The following RYR2 variants were observed in gnomAD, a reference collection of about 807,000 sequenced individuals.
RYR2 encodes the protein cardiac muscle ryanodine receptor-calcium release channel.
RYR2 carries 227 observed loss-of-function variants against 601.1 expected under a neutral mutation model. The observed-to-expected ratio is 0.38, with a 90% CI of 0.34 to 0.42. The LOEUF is 0.42. Ranked by LOEUF, RYR2 falls within the 10% of genes least tolerant of loss-of-function variation. The probability of loss-of-function intolerance (pLI) is 1.00; values close to 1 mark genes in which losing one functional copy is unlikely to be tolerated. For synonymous variants in RYR2, 2,223 were observed against 2,175.1 expected, an observed-to-expected ratio of 1.02 and a Z score of -0.61; for missense variants, 4,646 against 6,156.5, an observed-to-expected ratio of 0.75 and a Z score of 8.21.
intron 1 of RYR2, among the ~76,000 whole-genome samples, chr1:237,167,816 T>C (rs1676890251): frequency 6.8e-6 from 1 of 146,754 alleles, no homozygotes; most frequent in South Asian, 2.3e-4. Flanking sequence ...AGCCTTGAAC[T>C]CCCAGGCTCA....
At chr1:237,792,382 C>CGTGTGTGTGTGTGTGTGT (rs1359233766) in intron 94 of RYR2, 59 bp downstream of exon 94, 41 of 667,114 alleles carry the variant, frequency 6.1e-5, no homozygotes, top group Admixed American at 2.4e-4. Context: ...TGTGTGTGTG[C>CGTGTGTGTGTGTGTGTGT]GTGTGTGTGT....
At chr1:237,719,252 G>C (rs1689510910) in intron 73 of RYR2, among the ~76,000 whole-genome samples, 1 of 152,100 alleles carries the variant, frequency 6.6e-6, no homozygotes, top group South Asian at 2.1e-4. Flanking sequence ...GGGAAACCCT[G>C]TCTCAAAAAA....
intron 24 of RYR2, among the ~76,000 whole-genome samples, chr1:237,518,800 G>A (rs1017899639): frequency 6.6e-6 from 1 of 152,104 alleles, no homozygotes; most frequent in African/African-American, 2.4e-5. Context: ...TGGATCGAAT[G>A]GTAGTTTTAT....
Position 237,355,999 on chromosome 1 carries a change from T to C in RYR2, c.294+14T>C. 5.6e-6 allele frequency: 9 copies of C among 1,605,656 alleles called. No individual in the cohort carries two copies. The highest frequency in any genetic ancestry group is 1.1e-5 in the South Asian group (1 of 89,688). On this transcript the variant is annotated intron_variant, in intron 4 of 104. Coordinates refer to ENST00000366574, the MANE Select transcript of RYR2 (RefSeq NM_001035.3). ...GTGGAAAAATGGGTATGTGTTTCCA[T>C]GTATTTGCAAAGAAATTGTGATCTA...
chr1:237,816,916 T>C lies in RYR2; in HGVS notation c.14434-2120T>C, dbSNP rs76543426. Among the ~76,000 whole-genome samples, 18 of 152,242 alleles carry C rather than the reference T, an allele frequency of 1.2e-4. No individual in the cohort carries two copies. In the East Asian group the frequency reaches 3.5e-3, roughly 29 times the overall value. ...GTCTGTAAGATTTTACTTCCAGAGA[T>C]TGACTCAGTAGGTAGTACCAGGAAC... On this transcript the variant is annotated intron_variant, in intron 100 of 104. Transcript: ENST00000366574.
chr1:237,294,519 G>A (rs1340058393), intron 2 of RYR2, among the ~76,000 whole-genome samples: 2 of 151,710 alleles, frequency 1.3e-5, no homozygotes, highest in African/African-American at 4.8e-5. Context: ...TTGTTTATTT[G>A]GTGTCTATTG....
chr1:237,551,803 T>C (rs1421516719), intron 27 of RYR2, among the ~76,000 whole-genome samples: 2 of 152,180 alleles, frequency 1.3e-5, no homozygotes, highest in Admixed American at 6.5e-5. Context: ...TGTGTAAGTG[T>C]TTCTAAGACT....
At chr1:237,594,476 T>G (rs957218764) in intron 33 of RYR2, among the ~76,000 whole-genome samples, 4 of 152,146 alleles carry the variant, frequency 2.6e-5, no homozygotes, top group African/African-American at 9.7e-5. Flanking sequence ...TACATAAGTT[T>G]GGAACAAAAA....
At chr1:237,355,437 A>C (rs538657046) in intron 3 of RYR2, among the ~76,000 whole-genome samples, 6 of 152,302 alleles carry the variant, frequency 3.9e-5, no homozygotes, top group Admixed American at 3.9e-4. Flanking sequence ...ACTTTAAAAA[A>C]TAATTTGATT....
chr1:237,587,177 A>G (rs1187318996), intron 29 of RYR2, among the ~76,000 whole-genome samples: 1 of 152,194 alleles, frequency 6.6e-6, no homozygotes, highest in East Asian at 1.9e-4. Flanking sequence ...CTTAACACAT[A>G]TTACCAAATT....
At chr1:237,615,198 T>C (rs1678334684) in intron 37 of RYR2, among the ~76,000 whole-genome samples, 1 of 152,162 alleles carries the variant, frequency 6.6e-6, no homozygotes, top group East Asian at 1.9e-4. Flanking sequence ...GCTTTTGTTT[T>C]GTTCTTTTGA....
chr1:237,576,806 G>T (rs182030773), intron 29 of RYR2, among the ~76,000 whole-genome samples: 3 of 152,148 alleles, frequency 2.0e-5, no homozygotes, highest in Admixed American at 6.5e-5. Flanking sequence ...ATGATGAAAA[G>T]GTATGAACAG....
chr1:237,792,243 A>T lies in RYR2; in HGVS notation c.13702A>T (p.Met4568Leu), dbSNP rs1658463987. 1.9e-6 allele frequency: 3 copies of T among 1,613,710 alleles called. No individual in the cohort carries two copies. The highest frequency in any genetic ancestry group is 4.5e-5 in the East Asian group (2 of 44,874). The change falls in exon 94 of 105, where the codon ATG becomes TTG. Residue 4568 changes from methionine (M) to leucine (L), a missense_variant. This residue lies in a region of RYR2 where 364 missense variants were observed against 442.9 expected (regional missense o/e 0.82). Coordinates refer to ENST00000366574, the MANE Select transcript of RYR2 (RefSeq NM_001035.3). ...HYVLEESSGY[M>L]EPTLRILAIL... ...TGTACTAGAGGAGAGCAGCGGCTAC[A>T]TGGAGCCCACGTTGCGTATCTTAGC...
chr1:237,807,171 G>A (rs571271919), intron 99 of RYR2, among the ~76,000 whole-genome samples: 1 of 152,284 alleles, frequency 6.6e-6, no homozygotes, highest in African/African-American at 2.4e-5. Context: ...TGCACGGCAA[G>A]TCATGGGTCT....
chr1:237,133,699 G>A (rs1369592972), intron 1 of RYR2, among the ~76,000 whole-genome samples: 2 of 151,936 alleles, frequency 1.3e-5, no homozygotes, highest in Non-Finnish European at 2.9e-5. Flanking sequence ...CCGCTGACGC[G>A]GGTGGATCAT....
intron 1 of RYR2, among the ~76,000 whole-genome samples, chr1:237,051,795 G>A (rs1056786863): frequency 6.6e-6 from 1 of 152,174 alleles, no homozygotes; most frequent in African/African-American, 2.4e-5. Flanking sequence ...AGGCAGTGGA[G>A]CGACAGTTTC....
chr1:237,304,962 A>C (rs777150648), intron 2 of RYR2, among the ~76,000 whole-genome samples: 5 of 152,220 alleles, frequency 3.3e-5, no homozygotes, highest in Non-Finnish European at 5.9e-5. Flanking sequence ...TGAAAACATC[A>C]GCCTCATTAT....
Position 237,821,115 on chromosome 1 carries a change from G to A in RYR2, c.14590+1923G>A, listed in dbSNP as rs962663793. 3.3e-5 allele frequency among the ~76,000 whole-genome samples: 5 copies of A among 152,282 alleles called. No homozygotes were observed. In the South Asian group the frequency reaches 8.3e-4, roughly 25 times the overall value. ...GGGTTCAGCTTCAGTAGACTTAAAC[G>A]TCCCTGCCTGACAGCTATGAGGAGA... On this transcript the variant is annotated intron_variant, in intron 101 of 104. Transcript: ENST00000366574.
intron 4 of RYR2, among the ~76,000 whole-genome samples, chr1:237,359,927 A>G (rs550456613): frequency 6.6e-6 from 1 of 152,328 alleles, no homozygotes; most frequent in East Asian, 1.9e-4. Flanking sequence ...TGGGGTGAAG[A>G]AAGCAAAAGG....
Sources: gnomAD v4.1 joint callset for allele counts (sites outside exome capture counted in the v4.1 genomes callset) on GRCh38, gnomAD v4.1.1 for gene constraint, gnomAD v4.1.1 regional missense constraint, MANE v1.5 for transcripts, NCBI Gene and HGNC (gene_info 2026-07-23, HGNC 2026-07-21) for gene names.